The following CARD10 variants were observed in gnomAD, a reference collection of about 807,000 sequenced individuals.
CARD10 encodes the protein caspase recruitment domain-containing protein 10.
A neutral mutation model predicts 114.6 loss-of-function variants in CARD10; 49 were observed. The ratio of observed to expected loss-of-function variants is 0.43; its 90% CI spans 0.34 to 0.54. The LOEUF (loss-of-function observed/expected upper bound fraction) is 0.54, where lower values mean the gene tolerates loss of function less well. CARD10 is among the 20% of genes least tolerant of loss of function. The probability of loss-of-function intolerance (pLI) is 0.03; values close to 1 mark genes in which losing one functional copy is unlikely to be tolerated. For missense variants in CARD10, 1,206 were observed against 1,397.2 expected (o/e 0.86, Z 2.18); for synonymous variants, 602 against 593.2 (o/e 1.01, Z -0.21).
At chr22:37,515,156 T>C (rs894571709) in intron 3 of CARD10, among the ~76,000 whole-genome samples, 1 of 152,236 alleles carries the variant, frequency 6.6e-6, no homozygotes, top group Non-Finnish European at 1.5e-5. Context: ...TGGTGAGGAT[T>C]AGAAGACATG....
At chr22:37,513,647 C>A (rs1347689877) in intron 3 of CARD10, among the ~76,000 whole-genome samples, 2 of 152,076 alleles carry the variant, frequency 1.3e-5, no homozygotes, top group African/African-American at 2.4e-5. Flanking sequence ...GCAGCCCTCA[C>A]GCCGTCCTCT....
At chr22:37,497,223 T>G in intron 11 of CARD10, 45 bp from the exon 12 acceptor site, 1 of 1,565,244 alleles carries the variant, frequency 6.4e-7, no homozygotes, top group African/African-American at 1.4e-5. Flanking sequence ...CAATCAGTAC[T>G]TGGATTCAGT....
In CARD10 at chr22:37,507,919, G is replaced by T; in HGVS notation, c.1101C>A (p.His367Gln). The change falls in exon 6 of 20, where the codon CAC becomes CAA. Residue 367 changes from histidine to glutamine, a missense_variant. Physicochemically the swap from His to Gln is conservative, Grantham distance 24. Coordinates refer to ENST00000251973, the MANE Select transcript of CARD10 (RefSeq NM_014550.4). ...GGTCACAGTCCTTCTGCAGCGTGCG[G>T]TGCTTGAGCCGCAGGTCTTCCATCT... ...LQEMEDLRLKHRTLQKDCDLY... is the reference protein window; with the variant it reads ...LQEMEDLRLKQRTLQKDCDLY... The T allele has an allele frequency of 1.2e-6, 2 of 1,614,154 alleles. No individual in the cohort carries two copies. The highest frequency in any genetic ancestry group is 1.7e-6 in the Non-Finnish European group (2 of 1,180,014).
rs1380368109 is a variant in CARD10, at chr22:37,490,732, A to C, written c.*427T>G. On this transcript the variant is annotated 3_prime_UTR_variant, in exon 20 of 20. Coordinates refer to ENST00000251973, the MANE Select transcript of CARD10 (RefSeq NM_014550.4). ...GTGGGAGTCACGCGGTAACGGGCTC[A>C]GGTCTCCTAGGAGCAGAACAGGCCC... The C allele has an allele frequency of 6.0e-6, 1 of 167,524 alleles. No individual in the cohort carries two copies. Among genetic ancestry groups the C allele is most frequent in the Non-Finnish European group, 1.3e-5 (1 of 78,502 alleles). 10.4% of individuals were successfully genotyped at this position (167,524 alleles called of 1,614,324 possible).
intron 10 of CARD10, 41 bp downstream of exon 10, chr22:37,503,144 C>A: frequency 1.2e-6 from 2 of 1,604,350 alleles, no homozygotes; most frequent in East Asian, 2.3e-5. Context: ...CCACCTCCCC[C>A]GACCAGAGGA....
intron 3 of CARD10, chr22:37,514,549 G>T (rs1601819569): frequency 6.6e-6 from 1 of 152,562 alleles, no homozygotes. Flanking sequence ...CAGCAGCCTG[G>T]ACCCTTCAAC....
rs1923839410 is a variant in CARD10 at position 37,516,173 on chromosome 22, C to T, written c.499G>A (p.Glu167Lys). The T allele has an allele frequency of 6.3e-7, 1 of 1,593,232 alleles. No individual in the cohort carries two copies. Among genetic ancestry groups the T allele is most frequent in the African/African-American group, 1.3e-5 (1 of 74,558 alleles). ...LQARGRVLEE[E>K]RAGLEQRLRD... ...AGCCGCTGCTCCAGCCCTGCCCGCTCCTCCTCGAGCACCCGGCCCCGGGCC... is the reference window on the plus strand; with the variant it reads ...AGCCGCTGCTCCAGCCCTGCCCGCTTCTCCTCGAGCACCCGGCCCCGGGCC... The change falls in exon 3 of 20, where the codon GAG (glutamate) becomes AAG (lysine). Residue 167 changes from glutamate to lysine, a missense_variant. Physicochemically the swap from Glu to Lys is moderately conservative, Grantham distance 56 (BLOSUM62 1). Around this residue, in one of 2 missense-constraint regions of CARD10, gnomAD observed 1,068 missense variants for 1,179.1 expected, o/e 0.91. Transcript: ENST00000251973.
rs926258143 is a variant in CARD10, at chr22:37,501,903, C to G, written c.1787+699G>C. On this transcript the variant is annotated intron_variant, in intron 11 of 19. Transcript: ENST00000251973. The surrounding 1 kb of genome is among the most constrained non-coding windows in gnomAD (Gnocchi z 5.4). ...GACTCAGGAAGCCTTGACTTTCGCCCTTCCCCCTCGCTCCTCCTCCACAGT... is the reference window on the plus strand; with the variant it reads ...GACTCAGGAAGCCTTGACTTTCGCCGTTCCCCCTCGCTCCTCCTCCACAGT... 2.0e-5 allele frequency among the ~76,000 whole-genome samples: 3 copies of G among 152,238 alleles called. No individual in the cohort carries two copies. The highest frequency in any genetic ancestry group is 7.2e-5 in the African/African-American group (3 of 41,456).
rs1016356207 is a variant in CARD10, at chr22:37,501,416, G to A, written c.1787+1186C>T. 5.3e-5 allele frequency among the ~76,000 whole-genome samples: 8 copies of A among 150,834 alleles called. No homozygotes were observed. Among genetic ancestry groups the A allele is most frequent in the African/African-American group, 9.8e-5 (4 of 40,776 alleles). The stretch of plus-strand genomic sequence containing the variant: ...AGGGAGGCGCCTCCACCCCTTCCCC[G>A]AGAAGCACGTCCTGCACAGGCAAAA... On this transcript the variant is annotated intron_variant, in intron 11 of 19. Transcript: ENST00000251973. The surrounding 1 kb of genome is among the most constrained non-coding windows in gnomAD (Gnocchi z 5.4).
intron 19 of CARD10, among the ~76,000 whole-genome samples, 178 bp downstream of exon 19, chr22:37,491,577 G>T (rs1468708245): frequency 6.5e-3 from 8 of 1,234 alleles, no homozygotes; most frequent in African/African-American, 0.017. Context: ...GGGGAGGGAG[G>T]GGGGAGGGAG....
intron 4 of CARD10, chr22:37,509,072 C>T: frequency 6.5e-7 from 1 of 1,549,248 alleles, no homozygotes; most frequent in East Asian, 2.4e-5. Flanking sequence ...TAGGGGTCTT[C>T]AAGGGGCTGA....
intron 4 of CARD10, chr22:37,509,049 C>T: frequency 1.9e-6 from 3 of 1,549,912 alleles, no homozygotes; most frequent in Middle Eastern, 3.3e-4. Context: ...AGACCTACTC[C>T]CACCCCCATG....
chr22:37,510,764 A>T (rs1923609728), intron 3 of CARD10, among the ~76,000 whole-genome samples: 2 of 152,164 alleles, frequency 1.3e-5, no homozygotes, highest in Admixed American at 6.5e-5. Flanking sequence ...ATGGCAGAAA[A>T]GGAGGAGGGC....
At chr22:37,511,357 CAA>C (rs1169625822) in intron 3 of CARD10, among the ~76,000 whole-genome samples, 8,193 of 65,316 alleles carry the variant, frequency 0.13, 212 homozygotes, top group African/African-American at 0.19. Flanking sequence ...GACCCTGTCT[CAA>C]AAAAAAAAAA....
chr22:37,496,545 C>A lies in CARD10; in HGVS notation c.1963G>T (p.Ala655Ser), dbSNP rs1191722866. The A allele has an allele frequency of 1.2e-6, 2 of 1,613,330 alleles. No individual in the cohort carries two copies. Among genetic ancestry groups the A allele is most frequent in the African/African-American group, 2.7e-5 (2 of 74,994 alleles). ...MEPREQRVEA[A>S]GLEGACLEAE... ...TCCAGGCACGCCCCCTCCAGACCAG[C>A]AGCTTCCACCCTTTGCTGGGAGAAA... is the stretch of plus-strand genomic sequence containing the variant. Residue 655 changes from alanine to serine, a missense_variant, in exon 13 of 20, where the codon GCT becomes TCT. Ala to Ser is a moderately conservative substitution (Grantham distance 99). Transcript: ENST00000251973. The surrounding 1 kb of genome is among the most constrained non-coding windows in gnomAD (Gnocchi z 4.1).
intron 4 of CARD10, chr22:37,508,929 G>C (rs1923513713): frequency 1.4e-6 from 2 of 1,459,532 alleles, no homozygotes. Context: ...AAGTGGAGAA[G>C]GGTGTGACTG....
chr22:37,508,215 C>A (rs1238283982), intron 5 of CARD10, among the ~76,000 whole-genome samples: 1 of 152,198 alleles, frequency 6.6e-6, no homozygotes. Context: ...CTGCAACCGG[C>A]CCCTTCCCCA....
At chr22:37,508,951 C>G in intron 4 of CARD10, 1 of 1,527,256 alleles carries the variant, frequency 6.5e-7, no homozygotes, top group Non-Finnish European at 8.9e-7. Context: ...ACAAGTTCAC[C>G]CAGGATTATT....
At chr22:37,514,103 CAAAAA>C (rs5845349) in intron 3 of CARD10, among the ~76,000 whole-genome samples, 5 of 133,206 alleles carry the variant, frequency 3.8e-5, no homozygotes, top group Admixed American at 7.8e-5. Context: ...GACTCCATCT[CAAAAA>C]AAAAAAAAAA....
Sources: allele counts gnomAD v4.1 joint callset (sites outside exome capture counted in the v4.1 genomes callset), GRCh38; gene constraint gnomAD v4.1.1; regional missense constraint gnomAD v4.1.1; non-coding constraint Gnocchi (gnomAD v3.1); transcripts MANE v1.5; gene names NCBI Gene and HGNC (gene_info 2026-07-23, HGNC 2026-07-21).